The following BABAM2 variants were observed in gnomAD, a reference collection of about 807,000 sequenced individuals.
BABAM2 encodes the protein BRISC and BRCA1 A complex member 2.
In BABAM2, 31 loss-of-function variants were observed where a neutral mutation model predicts 54.7. The observed-to-expected ratio is 0.57, with a 90% CI of 0.43 to 0.77. The LOEUF is 0.77. BABAM2 is among the 30% of genes least tolerant of loss of function. The probability of loss-of-function intolerance (pLI) is 0.00; values close to 1 mark genes in which losing one functional copy is unlikely to be tolerated. For missense variants in BABAM2, 364 were observed against 455.8 expected, an observed-to-expected ratio of 0.80 and a Z score of 1.83; for synonymous variants, 167 against 162.9, an observed-to-expected ratio of 1.03 and a Z score of -0.19.
At chr2:28,303,969 C>T (rs938530546) in intron 11 of BABAM2, among the ~76,000 whole-genome samples, 1 of 152,144 alleles carries the variant, frequency 6.6e-6, no homozygotes, top group Non-Finnish European at 1.5e-5. Flanking sequence ...CAAACTCTGC[C>T]TCCCAGATTC....
At chr2:28,300,719 C>T (rs755307730) in intron 11 of BABAM2, among the ~76,000 whole-genome samples, 13 of 152,032 alleles carry the variant, frequency 8.6e-5, no homozygotes, top group East Asian at 1.9e-4. Context: ...ACCACAAGCC[C>T]GTGATTTCAG....
chr2:27,927,005 T>C (rs1453452260), intron 2 of BABAM2, among the ~76,000 whole-genome samples: 1 of 152,220 alleles, frequency 6.6e-6, no homozygotes, highest in South Asian at 2.1e-4. Context: ...TCTAGTCATC[T>C]ACAGTGGTAT....
At chr2:27,987,907 C>A in intron 3 of BABAM2, 86 bp from the exon 4 acceptor site, 2 of 1,108,580 alleles carry the variant, frequency 1.8e-6, no homozygotes, top group Non-Finnish European at 2.6e-6. Flanking sequence ...ATGTAAATTT[C>A]TTTTAGAAGT....
intron 10 of BABAM2, among the ~76,000 whole-genome samples, chr2:28,253,800 A>C (rs1030669577): frequency 2.0e-5 from 3 of 152,298 alleles, no homozygotes; most frequent in Non-Finnish European, 4.4e-5. Context: ...AATGGAGTGG[A>C]TGTCTCAGCA....
intron 3 of BABAM2, among the ~76,000 whole-genome samples, chr2:27,949,971 A>G (rs1275391264): frequency 1.3e-5 from 2 of 152,086 alleles, no homozygotes; most frequent in Non-Finnish European, 2.9e-5. Context: ...CTTTTTCAGG[A>G]CTGTACATTT....
intron 3 of BABAM2, among the ~76,000 whole-genome samples, chr2:27,986,115 C>T (rs574270272): frequency 2.6e-4 from 39 of 152,106 alleles, no homozygotes; most frequent in African/African-American, 8.7e-4. Context: ...AAAAGACAGG[C>T]TTGTAGATAA....
In BABAM2 at chr2:27,906,648, C is replaced by T. The variant is rs1298705327; in HGVS notation, c.128+11964C>T. ...GATTTTAGGTGGTTCTGATCTTGGG[C>T]TTTTCATGCCCTCCAATGACTTCAC... is the stretch of plus-strand genomic sequence containing the variant. On this transcript the variant is annotated intron_variant, in intron 2 of 11. Transcript: ENST00000379624. Among the ~76,000 whole-genome samples, 4 of 152,132 alleles carry T rather than the reference C, an allele frequency of 2.6e-5. 1 individual carries two copies. In the South Asian group the frequency reaches 6.2e-4, roughly 24 times the overall value.
At chr2:27,949,489 G>C (rs185072793) in intron 3 of BABAM2, among the ~76,000 whole-genome samples, 5 of 150,474 alleles carry the variant, frequency 3.3e-5, no homozygotes, top group African/African-American at 9.8e-5. Context: ...AGCCGAGATC[G>C]CACCACTGCG....
intron 7 of BABAM2, among the ~76,000 whole-genome samples, chr2:28,133,388 C>T (rs1271843639): frequency 6.6e-6 from 1 of 152,188 alleles, no homozygotes; most frequent in Non-Finnish European, 1.5e-5. Context: ...AAAAGCATCC[C>T]ATGTGGACCC....
At chr2:28,238,092 T>A (rs558703556) in intron 8 of BABAM2, among the ~76,000 whole-genome samples, 3 of 152,114 alleles carry the variant, frequency 2.0e-5, no homozygotes, top group Non-Finnish European at 4.4e-5. Context: ...TCAGATGATC[T>A]GCCTACCTCA....
rs139040814 is a variant in BABAM2, at chr2:27,898,801, G to A, written c.128+4117G>A. Reference sequence around the variant, plus strand: ...GAGGCTGGGGGAATCAGAAGTGACTGCTTGAGTGAGGGATTTCTTTTTGGA... The same window carrying A: ...GAGGCTGGGGGAATCAGAAGTGACTACTTGAGTGAGGGATTTCTTTTTGGA... On this transcript the variant is annotated intron_variant, in intron 2 of 11. Coordinates refer to ENST00000379624, the MANE Select transcript of BABAM2 (RefSeq NM_199191.3). Among the ~76,000 whole-genome samples the A allele has an allele frequency of 4.5e-4, 68 of 152,270 alleles. No individual in the cohort carries two copies. In the East Asian group the frequency reaches 0.012, roughly 28 times the overall value.
At chr2:27,972,696 G>A (rs1573299567) in intron 3 of BABAM2, among the ~76,000 whole-genome samples, 1 of 151,494 alleles carries the variant, frequency 6.6e-6, no homozygotes, top group South Asian at 2.1e-4. Flanking sequence ...ATGTTGAAAT[G>A]GTGTTATTTT....
chr2:28,310,153 G>C, intron 11 of BABAM2: 1 of 1,613,814 alleles, frequency 6.2e-7, no homozygotes, highest in Non-Finnish European at 8.5e-7. Flanking sequence ...AAATTGCATA[G>C]GTCAGTGAGA....
intron 3 of BABAM2, among the ~76,000 whole-genome samples, chr2:27,946,185 T>C (rs546346772): frequency 3.4e-4 from 52 of 152,322 alleles, no homozygotes; most frequent in Middle Eastern, 3.4e-3. Flanking sequence ...TCTAAGGAAG[T>C]TCCCATCTAT....
intron 6 of BABAM2, among the ~76,000 whole-genome samples, chr2:28,065,845 A>G (rs1018067816): frequency 1.3e-5 from 2 of 152,000 alleles, no homozygotes; most frequent in African/African-American, 4.8e-5. Flanking sequence ...ATTCAACAAT[A>G]TTTATTGAAC....
At chr2:28,031,406 A>G (rs1165958173) in intron 5 of BABAM2, among the ~76,000 whole-genome samples, 1 of 152,190 alleles carries the variant, frequency 6.6e-6, no homozygotes, top group Non-Finnish European at 1.5e-5. Flanking sequence ...AGAGCTTGAA[A>G]AGATAGCTAT....
chr2:28,242,529 T>G (rs573155392), intron 9 of BABAM2, among the ~76,000 whole-genome samples: 2 of 152,316 alleles, frequency 1.3e-5, no homozygotes, highest in East Asian at 3.9e-4. Flanking sequence ...AACGAGGCAC[T>G]AAGGATTTTA....
chr2:27,910,227 A>C (rs1321420198), intron 2 of BABAM2, among the ~76,000 whole-genome samples: 1 of 152,226 alleles, frequency 6.6e-6, no homozygotes, highest in Non-Finnish European at 1.5e-5. Context: ...AGGACCTGGC[A>C]CAATAAGTAT....
intron 6 of BABAM2, among the ~76,000 whole-genome samples, chr2:28,126,751 G>T (rs1369757333): frequency 6.9e-6 from 1 of 144,270 alleles, no homozygotes; most frequent in Non-Finnish European, 1.5e-5. Flanking sequence ...CTAGTTTACA[G>T]TCCCACCAAC....
Sources: allele counts gnomAD v4.1 joint callset (sites outside exome capture counted in the v4.1 genomes callset), GRCh38; gene constraint gnomAD v4.1.1; transcripts MANE v1.5; gene names NCBI Gene and HGNC (gene_info 2026-07-23, HGNC 2026-07-21).